Variants in COL22A1 observed in about 807,000 individuals in gnomAD.
COL22A1 encodes the protein collagen type XXII alpha 1 chain.
Under a neutral mutation model 248.9 loss-of-function variants are expected in COL22A1, and 221 were observed. The observed-to-expected ratio is 0.89, with a 90% CI of 0.80 to 0.99. COL22A1 has a LOEUF of 0.99. COL22A1 is among the 50% of genes least tolerant of loss of function. COL22A1 has a pLI of 0.00. For synonymous variants in COL22A1, 891 were observed against 793.4 expected (o/e 1.12, Z -2.07); for missense variants, 2,240 against 2,179.0 (o/e 1.03, Z -0.56).
chr8:138,663,012 T>TCACACACACACACA (rs1238032353), intron 42 of COL22A1, among the ~76,000 whole-genome samples: 7,187 of 140,806 alleles, frequency 0.051, 252 homozygotes, highest in Non-Finnish European at 0.053. Flanking sequence ...CAGGACTCTG[T>TCACACACACACACA]CACTCACACA....
At chr8:138,749,521 A>AGGAGCATGTGCG (rs1832413647) in intron 22 of COL22A1, among the ~76,000 whole-genome samples, 1 of 152,268 alleles carries the variant, frequency 6.6e-6, no homozygotes, top group Admixed American at 6.5e-5. Context: ...AAGACTGTGC[A>AGGAGCATGTGCG]GGAGCATGTG....
chr8:138,646,593 A>C, intron 47 of COL22A1, 36 bp downstream of exon 47: 1 of 1,501,678 alleles, frequency 6.7e-7, no homozygotes, highest in Non-Finnish European at 9.1e-7. Flanking sequence ...GATGAGCAGA[A>C]TAGATCCATG....
intron 43 of COL22A1, among the ~76,000 whole-genome samples, 182 bp from the exon 44 acceptor site, chr8:138,660,662 T>C (rs1450148579): frequency 1.3e-5 from 2 of 152,090 alleles, no homozygotes; most frequent in African/African-American, 2.4e-5. Flanking sequence ...TGAATACCCA[T>C]GGCTTCCCAG....
At chr8:138,766,479 CAG>C (rs1833921045) in intron 16 of COL22A1, among the ~76,000 whole-genome samples, 1 of 134,600 alleles carries the variant, frequency 7.4e-6, no homozygotes, top group East Asian at 2.4e-4. Context: ...CAGAGAGAGA[CAG>C]AGACAGATAC....
At chr8:138,629,541 G>A (rs1820535583) in intron 50 of COL22A1, among the ~76,000 whole-genome samples, 1 of 152,142 alleles carries the variant, frequency 6.6e-6, no homozygotes, top group African/African-American at 2.4e-5. Context: ...AACCAGATGA[G>A]GATCCTAAAC....
At chr8:138,768,080 TA>T (rs1834048224) in intron 16 of COL22A1, among the ~76,000 whole-genome samples, 1 of 152,182 alleles carries the variant, frequency 6.6e-6, no homozygotes, top group Admixed American at 6.5e-5. Flanking sequence ...ACACCCTGCA[TA>T]AATCCTCCCC....
intron 25 of COL22A1, among the ~76,000 whole-genome samples, chr8:138,722,751 G>GT (rs1473884108): frequency 6.6e-6 from 1 of 150,528 alleles, no homozygotes; most frequent in African/African-American, 2.5e-5. Flanking sequence ...GACCTGCAAG[G>GT]TTTAACGGAC....
chr8:138,631,740 C>A (rs2132004709), intron 49 of COL22A1, among the ~76,000 whole-genome samples: 1 of 152,252 alleles, frequency 6.6e-6, no homozygotes, highest in East Asian at 1.9e-4. Context: ...CAGATATCAG[C>A]TTCTCAGTGA....
chr8:138,637,107 T>C (rs1245944481), intron 47 of COL22A1, among the ~76,000 whole-genome samples: 1 of 152,144 alleles, frequency 6.6e-6, no homozygotes, highest in South Asian at 2.1e-4. Context: ...GATTTAGTTG[T>C]AGGCACTGGA....
intron 47 of COL22A1, among the ~76,000 whole-genome samples, chr8:138,637,933 A>C (rs1821332947): frequency 6.6e-6 from 1 of 152,126 alleles, no homozygotes; most frequent in Non-Finnish European, 1.5e-5. Flanking sequence ...CACCAGAGCT[A>C]TTATCATCAC....
chr8:138,621,917 A>G (rs957318776), intron 52 of COL22A1, among the ~76,000 whole-genome samples: 5 of 152,216 alleles, frequency 3.3e-5, no homozygotes, highest in Non-Finnish European at 7.3e-5. Flanking sequence ...GTCAGTCCAC[A>G]GTAGCTCGTT....
At chr8:138,864,635 T>C (rs1206140029) in intron 3 of COL22A1, among the ~76,000 whole-genome samples, 4 of 152,234 alleles carry the variant, frequency 2.6e-5, no homozygotes, top group African/African-American at 9.6e-5. Context: ...GTACGTAAGC[T>C]TCCTTTTGTT....
At chr8:138,789,244 A>G (rs1472587506) in intron 12 of COL22A1, among the ~76,000 whole-genome samples, 2 of 152,250 alleles carry the variant, frequency 1.3e-5, no homozygotes, top group Non-Finnish European at 2.9e-5. Flanking sequence ...CAGGGCCTGC[A>G]GCACCTCTAT....
At position 138,811,866 on chromosome 8, in the gene COL22A1, G is replaced by A; in HGVS notation, c.1382C>T (p.Pro461Leu). The change falls in exon 9 of 65, where the codon CCC becomes CTC. Residue 461 changes from proline to leucine, a missense_variant. Physicochemically the swap from Pro to Leu is moderately conservative, Grantham distance 98 (BLOSUM62 -3). Coordinates refer to ENST00000303045, the MANE Select transcript of COL22A1 (RefSeq NM_152888.3). ...PPPPPPPQRP[P>L]TPGSEQIGFL... is the part of the protein sequence containing the mutation. ...CCCAATCTGTTCACTGCCTGGGGTG[G>A]GAGGCCGCTGGGGTGGGGGTGGAGG... The A allele has an allele frequency of 6.2e-7, 1 of 1,600,150 alleles. No homozygotes were observed.
At chr8:138,910,291 C>A (rs751193821) in intron 1 of COL22A1, among the ~76,000 whole-genome samples, 2 of 152,166 alleles carry the variant, frequency 1.3e-5, no homozygotes, top group Non-Finnish European at 2.9e-5. Context: ...CCAATTCTTC[C>A]CCTCAACATA....
chr8:138,822,382 G>T (rs75940441), intron 6 of COL22A1, among the ~76,000 whole-genome samples: 2,633 of 152,214 alleles, frequency 0.017, 48 homozygotes, highest in Middle Eastern at 0.041. Flanking sequence ...AAATGATTAT[G>T]TTCTCATCCA....
chr8:138,835,466 G>A (rs1820357828), intron 4 of COL22A1, among the ~76,000 whole-genome samples: 2 of 152,212 alleles, frequency 1.3e-5, no homozygotes, highest in African/African-American at 2.4e-5. Flanking sequence ...GAGGTCCCCT[G>A]TGGTGCATGG....
intron 47 of COL22A1, among the ~76,000 whole-genome samples, chr8:138,638,545 T>A (rs375153899): frequency 1.1e-4 from 17 of 152,288 alleles, no homozygotes; most frequent in African/African-American, 4.1e-4. Context: ...AGTGACTATC[T>A]AATAATCCCC....
intron 7 of COL22A1, among the ~76,000 whole-genome samples, chr8:138,818,808 T>A (rs1477590330): frequency 6.6e-6 from 1 of 152,230 alleles, no homozygotes; most frequent in East Asian, 1.9e-4. Context: ...ATTTTACTAT[T>A]TTTTGCTTAA....
Sources: allele counts gnomAD v4.1 joint callset (sites outside exome capture counted in the v4.1 genomes callset), GRCh38; gene constraint gnomAD v4.1.1; transcripts MANE v1.5; gene names NCBI Gene and HGNC (gene_info 2026-07-23, HGNC 2026-07-21).